The following SHANK2 variants were observed in gnomAD, a reference collection of about 807,000 sequenced individuals.
SHANK2 encodes the protein SH3 and multiple ankyrin repeat domains protein 2.
In SHANK2, 43 loss-of-function variants were observed where a neutral mutation model predicts 133.7. The observed-to-expected ratio is 0.32, with a 90% CI of 0.25 to 0.41. SHANK2 has a LOEUF of 0.41. Among genes scored for constraint, SHANK2 ranks in the 10% least tolerant of loss-of-function variants. The pLI is 1.00. For synonymous variants in SHANK2, 1,017 were observed against 952.8 expected (o/e 1.07, Z -1.24); for missense variants, 1,994 against 2,235.8 (o/e 0.89, Z 2.18).
At chr11:71,227,892 A>C (rs532884542) in intron 1 of SHANK2, among the ~76,000 whole-genome samples, 1 of 152,218 alleles carries the variant, frequency 6.6e-6, no homozygotes, top group Admixed American at 6.5e-5. Context: ...AAGCAGAAGG[A>C]AGAAAATAAT....
intron 10 of SHANK2, among the ~76,000 whole-genome samples, chr11:70,908,419 T>C (rs1950140460): frequency 6.6e-6 from 1 of 152,202 alleles, no homozygotes; most frequent in Non-Finnish European, 1.5e-5. Context: ...ATAGACAGCA[T>C]GTCAAGCTGC....
chr11:70,740,287 T>C (rs1027547599), intron 14 of SHANK2, among the ~76,000 whole-genome samples: 1 of 152,232 alleles, frequency 6.6e-6, no homozygotes, highest in African/African-American at 2.4e-5. Context: ...ATGAAAACCA[T>C]AAAGGTTGTC....
rs565107703 is a variant in SHANK2 at position 71,218,592 on chromosome 11, C to G, written c.-13+6105G>C. 5.5e-4 allele frequency among the ~76,000 whole-genome samples: 84 copies of G among 152,098 alleles called. No individual in the cohort carries two copies. In the South Asian group the frequency reaches 0.018, roughly 32 times the overall value. ...CTATTTTTAAATTGAATCTGTGGTG[C>G]CCAGGGATGAGCAGCGTGAGGGCAG... On this transcript the variant is annotated intron_variant, in intron 2 of 25. Transcript: ENST00000601538.
chr11:70,893,484 A>G (rs747742733), intron 11 of SHANK2, among the ~76,000 whole-genome samples: 16 of 152,228 alleles, frequency 1.1e-4, no homozygotes, highest in Non-Finnish European at 2.2e-4. Flanking sequence ...GCTTGGATCA[A>G]TCAACACATT....
intron 9 of SHANK2, among the ~76,000 whole-genome samples, chr11:71,058,724 G>T (rs1950951024): frequency 6.6e-6 from 1 of 152,226 alleles, no homozygotes; most frequent in African/African-American, 2.4e-5. Flanking sequence ...CAACAGGTGT[G>T]ACCACCTGGA....
At chr11:70,748,326 C>A (rs1474182769) in intron 14 of SHANK2, among the ~76,000 whole-genome samples, 1 of 152,132 alleles carries the variant, frequency 6.6e-6, no homozygotes, top group African/African-American at 2.4e-5. Flanking sequence ...TGGATGGAAT[C>A]CCTGGGGCAA....
At chr11:70,905,427 C>T (rs570237504) in intron 10 of SHANK2, among the ~76,000 whole-genome samples, 1 of 152,290 alleles carries the variant, frequency 6.6e-6, no homozygotes, top group South Asian at 2.1e-4. Context: ...TGTAAGCCTG[C>T]ATTCTGAATG....
intron 14 of SHANK2, among the ~76,000 whole-genome samples, chr11:70,734,616 C>T (rs545954507): frequency 6.6e-6 from 1 of 152,294 alleles, no homozygotes; most frequent in East Asian, 1.9e-4. Context: ...CCAGCCAGGG[C>T]CCCCCGACCA....
At chr11:70,620,382 G>A (rs781303309) in intron 17 of SHANK2, among the ~76,000 whole-genome samples, 8 of 152,156 alleles carry the variant, frequency 5.3e-5, no homozygotes, top group Non-Finnish European at 1.0e-4. Context: ...GGGAGAAATG[G>A]AGATTTTGGT....
chr11:70,668,940 G>C (rs562251709), intron 15 of SHANK2: 23 of 152,448 alleles, frequency 1.5e-4, no homozygotes, highest in African/African-American at 5.5e-4. Flanking sequence ...ACAAGTGCAG[G>C]TGTCAGCAGG....
intron 14 of SHANK2, among the ~76,000 whole-genome samples, chr11:70,754,436 A>G (rs1555038214): frequency 6.6e-6 from 1 of 152,248 alleles, no homozygotes; most frequent in African/African-American, 2.4e-5. Context: ...CTGGGAGTGC[A>G]AGGCTGGTTC....
At chr11:70,786,344 G>T (rs1947653658) in intron 14 of SHANK2, among the ~76,000 whole-genome samples, 1 of 152,120 alleles carries the variant, frequency 6.6e-6, no homozygotes, top group African/African-American at 2.4e-5. Flanking sequence ...GGAGGTGAGG[G>T]CAGAGCAGGA....
At chr11:70,951,143 G>T in intron 10 of SHANK2, 1 of 346,136 alleles carries the variant, frequency 2.9e-6, no homozygotes, top group South Asian at 2.1e-5. Flanking sequence ...TCCCCTGGCT[G>T]CTGCACTGTG....
chr11:70,518,579 G>C (rs917463909), intron 17 of SHANK2, among the ~76,000 whole-genome samples: 2 of 152,182 alleles, frequency 1.3e-5, no homozygotes, highest in African/African-American at 4.8e-5. Flanking sequence ...TCCCTTTGCA[G>C]TTCATTTGCT....
At chr11:71,126,994 C>G (rs1391041982) in intron 3 of SHANK2, among the ~76,000 whole-genome samples, 3 of 152,074 alleles carry the variant, frequency 2.0e-5, no homozygotes, top group Non-Finnish European at 4.4e-5. Context: ...CTTGAGCCAC[C>G]GCGCCCAGCT....
chr11:71,179,889 T>G (rs1462510139), intron 2 of SHANK2, among the ~76,000 whole-genome samples: 1 of 152,098 alleles, frequency 6.6e-6, no homozygotes, highest in African/African-American at 2.4e-5. Context: ...TGTGAAAGAT[T>G]TACACACTGA....
Position 70,661,684 on chromosome 11 carries a change from G to C in SHANK2, c.1854-6C>G. 1 of 1,614,148 alleles carries C rather than the reference G, an allele frequency of 6.2e-7. No homozygotes were observed. The highest frequency in any genetic ancestry group is 8.5e-7 in the Non-Finnish European group (1 of 1,180,032). The stretch of plus-strand genomic sequence containing the variant: ...TCTCCTCAATAATGCAGTCACTGTA[G>C]AGAGAATTCCGGGGACAGCGACCAT... On this transcript the variant is annotated splice_polypyrimidine_tract_variant and splice_region_variant and intron_variant, in intron 15 of 25. Coordinates refer to ENST00000601538, the MANE Select transcript of SHANK2 (RefSeq NM_012309.5).
intron 15 of SHANK2, chr11:70,661,904 G>T (rs979802906): frequency 1.7e-5 from 21 of 1,240,184 alleles, no homozygotes; most frequent in Non-Finnish European, 2.2e-5. Flanking sequence ...TGCAGGGTGG[G>T]GGCAGGCAGA....
Position 70,504,868 on chromosome 11 carries a change from C to T in SHANK2, c.2062-1937G>A, listed in dbSNP as rs116104716. Reference sequence around the variant, plus strand: ...CAGACAGGCAACCGAACACCAGCCACGCGTTATCGGGTTCTCTCCCCTCCC... The same window carrying T: ...CAGACAGGCAACCGAACACCAGCCATGCGTTATCGGGTTCTCTCCCCTCCC... On this transcript the variant is annotated intron_variant, in intron 17 of 25. Coordinates refer to ENST00000601538, the MANE Select transcript of SHANK2 (RefSeq NM_012309.5). Among the ~76,000 whole-genome samples, 1,333 of 152,222 alleles carry T rather than the reference C, an allele frequency of 8.8e-3. 15 individuals are homozygous for T. The highest frequency in any genetic ancestry group is 0.028 in the African/African-American group (1,152 of 41,546).
Sources: allele counts gnomAD v4.1 joint callset (sites outside exome capture counted in the v4.1 genomes callset), GRCh38; gene constraint gnomAD v4.1.1; transcripts MANE v1.5; gene names NCBI Gene and HGNC (gene_info 2026-07-23, HGNC 2026-07-21).